The following CLSTN1 variants were observed in gnomAD, a reference collection of about 807,000 sequenced individuals.
CLSTN1 encodes calsyntenin-1.
Under a neutral mutation model 108.3 loss-of-function variants are expected in CLSTN1, and 28 were observed. The observed-to-expected ratio is 0.26, with a 90% CI of 0.19 to 0.35. CLSTN1 has a LOEUF of 0.35. Among genes scored for constraint, CLSTN1 ranks in the 10% least tolerant of loss-of-function variants. CLSTN1 has a pLI of 1.00. For missense variants in CLSTN1, 1,157 were observed against 1,302.6 expected (o/e 0.89, Z 1.72); for synonymous variants, 524 against 534.9 (o/e 0.98, Z 0.28).
intron 1 of CLSTN1, among the ~76,000 whole-genome samples, chr1:9,788,979 C>T (rs924486409): frequency 6.6e-6 from 1 of 151,288 alleles, no homozygotes; most frequent in Non-Finnish European, 1.5e-5. Flanking sequence ...ATAATGTCCT[C>T]GAGGTGCCCC....
chr1:9,739,569 C>A (rs557741247), intron 10 of CLSTN1, among the ~76,000 whole-genome samples: 1 of 152,118 alleles, frequency 6.6e-6, no homozygotes, highest in African/African-American at 2.4e-5. Context: ...CTGAGCCAGG[C>A]GCAGTGGCTC....
chr1:9,794,113 G>A (rs1653885860), intron 1 of CLSTN1, among the ~76,000 whole-genome samples: 1 of 151,444 alleles, frequency 6.6e-6, no homozygotes, highest in African/African-American at 2.4e-5. Flanking sequence ...AAGAACCTCA[G>A]CAATTTAATA....
intron 7 of CLSTN1, among the ~76,000 whole-genome samples, chr1:9,747,175 TCAAAA>T (rs1651310923): frequency 1.9e-5 from 1 of 52,650 alleles, no homozygotes; most frequent in African/African-American, 9.5e-5. Context: ...GGAGACTGTC[TCAAAA>T]AAAAAAAAAA....
chr1:9,793,707 A>T (rs1314015846), intron 1 of CLSTN1, among the ~76,000 whole-genome samples: 1 of 151,474 alleles, frequency 6.6e-6, no homozygotes, highest in African/African-American at 2.4e-5. Context: ...TGCTCTTCTA[A>T]GAGATTAACT....
In CLSTN1 at chr1:9,729,911, G is replaced by C. The variant is rs184347342; in HGVS notation, c.*597C>G. On this transcript the variant is annotated 3_prime_UTR_variant, in exon 19 of 19. Transcript: ENST00000377298. ...TCTGGGGTCTGGGGAGGGAGGACCC[G>C]GCGGGAAGAGCCCGTGCTCAGAGCT... 2 of 155,502 alleles carry C rather than the reference G, an allele frequency of 1.3e-5. No homozygotes were observed. The highest frequency in any genetic ancestry group is 2.9e-5 in the Non-Finnish European group (2 of 70,004). 9.6% of individuals were successfully genotyped at this position (155,502 alleles called of 1,614,324 possible).
chr1:9,781,150 A>G, intron 1 of CLSTN1: 1 of 774,016 alleles, frequency 1.3e-6, no homozygotes, highest in Non-Finnish European at 2.3e-6. Flanking sequence ...TTTGTGAACA[A>G]GAAATTAACC....
intron 5 of CLSTN1, 173 bp from the exon 6 acceptor site, chr1:9,750,086 G>T (rs774698548): frequency 1.7e-6 from 1 of 580,944 alleles, no homozygotes; most frequent in Non-Finnish European, 3.0e-6. Context: ...GCCCTAACAC[G>T]CACTAAATCC....
At chr1:9,745,335 T>C (rs1364243845) in intron 7 of CLSTN1, among the ~76,000 whole-genome samples, 2 of 151,968 alleles carry the variant, frequency 1.3e-5, no homozygotes, top group Middle Eastern at 3.4e-3. Flanking sequence ...TTGGTAAATA[T>C]ACACAAAAAT....
chr1:9,760,070 G>A (rs1651998036), intron 2 of CLSTN1, among the ~76,000 whole-genome samples: 1 of 151,898 alleles, frequency 6.6e-6, no homozygotes, highest in South Asian at 2.1e-4. Flanking sequence ...TTTCCTGCTT[G>A]TTGGTTGGTT....
intron 7 of CLSTN1, among the ~76,000 whole-genome samples, chr1:9,745,028 A>G (rs1428500173): frequency 6.6e-6 from 1 of 152,200 alleles, no homozygotes; most frequent in Non-Finnish European, 1.5e-5. Flanking sequence ...CTGGGATTAC[A>G]GGCGTGAGCC....
chr1:9,737,832 A>G (rs1278787453), intron 10 of CLSTN1, among the ~76,000 whole-genome samples: 1 of 152,170 alleles, frequency 6.6e-6, no homozygotes, highest in Non-Finnish European at 1.5e-5. Flanking sequence ...AGATGAATGA[A>G]AGCACACACA....
chr1:9,784,632 C>T (rs1293963936), intron 1 of CLSTN1, among the ~76,000 whole-genome samples: 2 of 152,198 alleles, frequency 1.3e-5, no homozygotes, highest in Non-Finnish European at 2.9e-5. Context: ...TGGCGTCTCA[C>T]CTATAAATCC....
At chr1:9,767,009 TCA>T (rs747286689) in intron 2 of CLSTN1, among the ~76,000 whole-genome samples, 45 of 152,224 alleles carry the variant, frequency 3.0e-4, no homozygotes, top group Admixed American at 5.9e-4. Context: ...ACTGGAATGT[TCA>T]CACAGTGAGC....
intron 1 of CLSTN1, among the ~76,000 whole-genome samples, chr1:9,793,685 G>A (rs1212285645): frequency 6.6e-6 from 1 of 151,408 alleles, no homozygotes; most frequent in Non-Finnish European, 1.5e-5. Context: ...CCTCGGGTGG[G>A]GTCTTCAGCT....
intron 1 of CLSTN1, among the ~76,000 whole-genome samples, chr1:9,791,048 C>A (rs910766937): frequency 1.4e-5 from 2 of 147,920 alleles, no homozygotes; most frequent in Admixed American, 7.1e-5. Flanking sequence ...AGGAGAATGG[C>A]GTGAACCCGG....
At chr1:9,795,455 C>T (rs1205234982) in intron 1 of CLSTN1, among the ~76,000 whole-genome samples, 5 of 151,198 alleles carry the variant, frequency 3.3e-5, no homozygotes, top group Admixed American at 2.0e-4. Context: ...CATAAGCCAC[C>T]GTGCCCGGCC....
At chr1:9,750,973 G>T (rs572018822) in intron 5 of CLSTN1, among the ~76,000 whole-genome samples, 4 of 152,086 alleles carry the variant, frequency 2.6e-5, no homozygotes, top group Admixed American at 2.0e-4. Flanking sequence ...GCTAAGGTAG[G>T]AGAATCACTT....
chr1:9,809,286 C>T (rs1489107446), intron 1 of CLSTN1, among the ~76,000 whole-genome samples: 2 of 152,190 alleles, frequency 1.3e-5, no homozygotes, highest in East Asian at 1.9e-4. Flanking sequence ...CGCCCAAATG[C>T]GGATCTGCCT....
intron 1 of CLSTN1, among the ~76,000 whole-genome samples, chr1:9,804,361 C>CA (rs35632390): frequency 0.054 from 3,477 of 64,806 alleles, 133 homozygotes; most frequent in African/African-American, 0.091. Context: ...GACTCCATCT[C>CA]AAAAAAAAAA....
Sources: gnomAD v4.1 joint callset for allele counts (sites outside exome capture counted in the v4.1 genomes callset) on GRCh38, gnomAD v4.1.1 for gene constraint, MANE v1.5 for transcripts, NCBI Gene and HGNC (gene_info 2026-07-23, HGNC 2026-07-21) for gene names.